The following DIP2C variants were observed in gnomAD, a reference collection of about 807,000 sequenced individuals.
The protein encoded by DIP2C is DIP2 acetate--CoA ligase C (putative).
Under a neutral mutation model 192.4 loss-of-function variants are expected in DIP2C, and 33 were observed. The ratio of observed to expected loss-of-function variants is 0.17; its 90% CI spans 0.13 to 0.23. DIP2C has a LOEUF of 0.23. DIP2C is among the 10% of genes least tolerant of loss of function. The probability of loss-of-function intolerance (pLI) is 1.00; values close to 1 mark genes in which losing one functional copy is unlikely to be tolerated. For missense variants in DIP2C, 1,537 were observed against 2,110.1 expected (o/e 0.73, Z 5.32); for synonymous variants, 979 against 864.1 (o/e 1.13, Z -2.33).
At chr10:610,071 C>T (rs1466982286) in intron 1 of DIP2C, among the ~76,000 whole-genome samples, 1 of 152,216 alleles carries the variant, frequency 6.6e-6, no homozygotes, top group Non-Finnish European at 1.5e-5. Context: ...GATCCGGAAT[C>T]ACCTGAGTGC....
intron 1 of DIP2C, among the ~76,000 whole-genome samples, chr10:548,093 A>C (rs2130930616): frequency 6.6e-6 from 1 of 152,106 alleles, no homozygotes; most frequent in East Asian, 1.9e-4. Context: ...ATCAGGACCA[A>C]ATTCTGAGCA....
intron 17 of DIP2C, among the ~76,000 whole-genome samples, chr10:374,548 C>G (rs1589643989): frequency 1.3e-5 from 2 of 152,230 alleles, no homozygotes; most frequent in Admixed American, 6.5e-5. Flanking sequence ...TGGAGTGGAG[C>G]CAGCGCCAAT....
At chr10:288,556 A>G (rs747862514) in intron 32 of DIP2C, 135 bp from the exon 33 acceptor site, 19 of 890,324 alleles carry the variant, frequency 2.1e-5, no homozygotes, top group South Asian at 3.3e-5. Context: ...GCAAGGACGA[A>G]GCTGCAGAAA....
intron 1 of DIP2C, among the ~76,000 whole-genome samples, chr10:556,451 C>G (rs1848878260): frequency 6.9e-6 from 1 of 145,952 alleles, no homozygotes. Flanking sequence ...CCACCCACAC[C>G]TTCCCAAGAG....
chr10:512,922 GA>G (rs60269783), intron 1 of DIP2C, among the ~76,000 whole-genome samples: 10,110 of 91,872 alleles, frequency 0.11, 430 homozygotes, highest in East Asian at 0.2. Context: ...CCCACTTCAG[GA>G]AAAAAAAAAA....
At chr10:440,644 G>A (rs889823987) in intron 4 of DIP2C, among the ~76,000 whole-genome samples, 9 of 152,180 alleles carry the variant, frequency 5.9e-5, no homozygotes, top group Non-Finnish European at 1.3e-4. Context: ...TGTATCATAT[G>A]TATGAGTCTT....
chr10:427,775 A>G (rs888511655), intron 4 of DIP2C, among the ~76,000 whole-genome samples: 3 of 152,226 alleles, frequency 2.0e-5, no homozygotes, highest in Non-Finnish European at 2.9e-5. Flanking sequence ...GCTTCTCATG[A>G]TGTGGAGAAA....
chr10:491,159 T>G (rs927841771), intron 1 of DIP2C, among the ~76,000 whole-genome samples: 1 of 152,140 alleles, frequency 6.6e-6, no homozygotes, highest in African/African-American at 2.4e-5. Context: ...GCTGTGAACG[T>G]CAGGCTCAAG....
At chr10:427,045 G>C (rs1230885893) in intron 4 of DIP2C, among the ~76,000 whole-genome samples, 4 of 152,320 alleles carry the variant, frequency 2.6e-5, no homozygotes, top group Non-Finnish European at 5.9e-5. Flanking sequence ...TCTGCCTCTA[G>C]CTAATGTAAT....
chr10:419,187 G>A lies in DIP2C; in HGVS notation c.617C>T (p.Ala206Val), dbSNP rs754730585. The change falls in exon 6 of 37, where the codon GCA becomes GTA. Residue 206 changes from alanine to valine, a missense_variant. Physicochemically the swap from Ala to Val is moderately conservative, Grantham distance 64 (BLOSUM62 0). Around this residue, in one of 4 missense-constraint regions of DIP2C, gnomAD observed 473 missense variants for 539.6 expected, o/e 0.88. Transcript: ENST00000280886. ...GGTGTACGTGGTTACGTCAGGAGGT[G>A]CAGAATGATTTTCTGTAAAGAAACA... is the stretch of plus-strand genomic sequence containing the variant. Reference protein sequence around the residue: ...MAQTHIENHSAPPDVTTYTSE... With the variant: ...MAQTHIENHSVPPDVTTYTSE... 1.9e-6 allele frequency: 3 copies of A among 1,614,114 alleles called. No homozygotes were observed. Among genetic ancestry groups the A allele is most frequent in the Admixed American group, 1.7e-5 (1 of 60,010 alleles).
At chr10:451,149 C>T (rs144821155) in intron 3 of DIP2C, among the ~76,000 whole-genome samples, 156 of 152,330 alleles carry the variant, frequency 1.0e-3, no homozygotes, top group Non-Finnish European at 1.7e-3. Context: ...TTCTACACCA[C>T]ATCCGGAACA....
intron 2 of DIP2C, among the ~76,000 whole-genome samples, chr10:475,784 G>A (rs977018779): frequency 2.6e-5 from 4 of 152,148 alleles, no homozygotes; most frequent in African/African-American, 4.8e-5. Context: ...GTGGCTTAAC[G>A]ATATGTTCCT....
intron 1 of DIP2C, among the ~76,000 whole-genome samples, chr10:644,522 C>T (rs11812713): frequency 1.3e-5 from 2 of 152,382 alleles, no homozygotes; most frequent in East Asian, 1.9e-4. Flanking sequence ...CACGGCCCGC[C>T]GTAGAGCCAC....
chr10:518,215 G>A (rs771908468), intron 1 of DIP2C, among the ~76,000 whole-genome samples: 3 of 152,244 alleles, frequency 2.0e-5, no homozygotes, highest in Non-Finnish European at 2.9e-5. Context: ...CTGCTGACCC[G>A]TCAGTTCCAA....
At chr10:572,094 G>A (rs1204648733) in intron 1 of DIP2C, among the ~76,000 whole-genome samples, 1 of 152,234 alleles carries the variant, frequency 6.6e-6, no homozygotes, top group East Asian at 1.9e-4. Flanking sequence ...GGGATTGAGT[G>A]ACAGCCTTCG....
intron 32 of DIP2C, among the ~76,000 whole-genome samples, chr10:297,402 A>C (rs936202584): frequency 6.6e-6 from 1 of 152,140 alleles, no homozygotes; most frequent in African/African-American, 2.4e-5. Context: ...CCTGATTCAC[A>C]ATACCCAAGA....
chr10:680,610 A>G (rs184961536), intron 1 of DIP2C, among the ~76,000 whole-genome samples: 1 of 152,294 alleles, frequency 6.6e-6, no homozygotes, highest in East Asian at 1.9e-4. Context: ...GGTCTAGTTT[A>G]CCTGCTGATA....
Position 342,881 on chromosome 10 carries a change from A to G in DIP2C, c.3454-1552T>C, listed in dbSNP as rs534576851. 8.3e-4 allele frequency among the ~76,000 whole-genome samples: 127 copies of G among 152,360 alleles called. 1 individual carries two copies. Among genetic ancestry groups the G allele is most frequent in the Non-Finnish European group, 1.3e-3 (90 of 68,032 alleles). On this transcript the variant is annotated intron_variant, in intron 28 of 36. Transcript: ENST00000280886. ...TGTGTAATGTCAATTATTTTGAAAT[A>G]CAATAAAATATATTAATAAGATCAA...
intron 29 of DIP2C, among the ~76,000 whole-genome samples, chr10:339,882 T>C (rs1958058883): frequency 6.6e-6 from 1 of 152,196 alleles, no homozygotes. Context: ...ACATTAAAAA[T>C]ATTTGTTCCA....
Sources: allele counts gnomAD v4.1 joint callset (sites outside exome capture counted in the v4.1 genomes callset), GRCh38; gene constraint gnomAD v4.1.1; regional missense constraint gnomAD v4.1.1; transcripts MANE v1.5; gene names NCBI Gene and HGNC (gene_info 2026-07-23, HGNC 2026-07-21).